Variants in GJB2 observed in about 807,000 individuals in gnomAD.
GJB2 encodes the protein gap junction beta-2 protein.
GJB2 carries 30 observed loss-of-function variants against 16.0 expected under a neutral mutation model. The observed-to-expected ratio is 1.88, with a 90% CI of 1.41 to 2.55. The LOEUF (loss-of-function observed/expected upper bound fraction) is 2.55, where lower values mean the gene tolerates loss of function less well. Ranked by LOEUF, GJB2 falls within the 30% of genes most tolerant of loss-of-function variation. The pLI is 0.00. For missense variants in GJB2, 284 were observed against 289.7 expected (o/e 0.98, Z 0.14); for synonymous variants, 123 against 119.1 (o/e 1.03, Z -0.21).
chr13:20,189,239 A>C lies in GJB2; in HGVS notation c.343T>G (p.Phe115Val), dbSNP rs1468293549. The change falls in exon 2 of 2, where the codon TTT becomes GTT. Residue 115 changes from phenylalanine to valine, a missense_variant. Phe to Val is a conservative substitution (Grantham distance 50). Coordinates refer to ENST00000382848, the MANE Select transcript of GJB2 (RefSeq NM_004004.6). Reference sequence around the variant, plus strand: ...GTTTTGATCTCCTCGATGTCCTTAAATTCACTCTTTATCTCCCCCTTGATG... The same window carrying C: ...GTTTTGATCTCCTCGATGTCCTTAACTTCACTCTTTATCTCCCCCTTGATG... ...KFIKGEIKSE[F>V]KDIEEIKTQK... The C allele has an allele frequency of 6.2e-7, 1 of 1,613,626 alleles. No individual in the cohort carries two copies. Among genetic ancestry groups the C allele is most frequent in the South Asian group, 1.1e-5 (1 of 91,080 alleles).
rs1200790847 is a variant in GJB2, at chr13:20,188,260, G to A, written c.*641C>T. The A allele has an allele frequency of 6.6e-6, 1 of 152,416 alleles. No homozygotes were observed. The highest frequency in any genetic ancestry group is 1.5e-5 in the Non-Finnish European group (1 of 68,224). The allele number at this position is 152,416 out of a possible 1,614,324, so 9.4% of individuals were successfully genotyped here. On this transcript the variant is annotated 3_prime_UTR_variant, in exon 2 of 2. Coordinates refer to ENST00000382848, the MANE Select transcript of GJB2 (RefSeq NM_004004.6). ...AGACCATATTTCAAATTAAATCATA[G>A]TAGCGAATGACATACCATTTACATA...
At chr13:20,192,323 A>G (rs1415297543) in intron 1 of GJB2, among the ~76,000 whole-genome samples, 1 of 152,176 alleles carries the variant, frequency 6.6e-6, no homozygotes, top group Non-Finnish European at 1.5e-5. Flanking sequence ...AAGCCGCTCC[A>G]AGAGGTAAAG....
intron 1 of GJB2, among the ~76,000 whole-genome samples, chr13:20,190,049 G>A (rs995488690): frequency 6.6e-6 from 1 of 152,238 alleles, no homozygotes; most frequent in African/African-American, 2.4e-5. Context: ...AGTTTTGGCT[G>A]TACCACTGGG....
rs1959051090 is a variant in GJB2 at position 20,188,351 on chromosome 13, T to C, written c.*550A>G. The stretch of plus-strand genomic sequence containing the variant: ...TATCCAGAACATCTTTACATCAAAA[T>C]AACCTATCATACTACAAAGTTTTCA... On this transcript the variant is annotated 3_prime_UTR_variant, in exon 2 of 2. Coordinates refer to ENST00000382848, the MANE Select transcript of GJB2 (RefSeq NM_004004.6). 1 of 153,818 alleles carries C rather than the reference T, an allele frequency of 6.5e-6. No homozygotes were observed. Among genetic ancestry groups the C allele is most frequent in the African/African-American group, 2.4e-5 (1 of 41,468 alleles). 9.5% of individuals were successfully genotyped at this position (153,818 alleles called of 1,614,324 possible). A position where few individuals can be genotyped will look rare whatever the true frequency, so the allele number is the denominator to read the frequency against.
chr13:20,189,872 A>G, intron 1 of GJB2: 1 of 479,084 alleles, frequency 2.1e-6, no homozygotes, highest in Admixed American at 3.3e-5. Flanking sequence ...ATCTTTAAAC[A>G]CATCATAAAA....
At chr13:20,189,684 G>T in intron 1 of GJB2, 81 bp from the exon 2 acceptor site, 1 of 1,091,548 alleles carries the variant, frequency 9.2e-7, no homozygotes, top group Non-Finnish European at 1.4e-6. Context: ...GGGTAAGCAA[G>T]CATGCTTAAA....
intron 1 of GJB2, among the ~76,000 whole-genome samples, chr13:20,191,162 C>T (rs984289884): frequency 6.6e-6 from 1 of 152,178 alleles, no homozygotes. Flanking sequence ...TGCTACAGCA[C>T]CCACAGCTCA....
chr13:20,192,241 C>A (rs1167041096), intron 1 of GJB2, among the ~76,000 whole-genome samples: 1 of 152,204 alleles, frequency 6.6e-6, no homozygotes, highest in Non-Finnish European at 1.5e-5. Context: ...CCGGGGTAGG[C>A]CGGGATCGGC....
intron 1 of GJB2, among the ~76,000 whole-genome samples, chr13:20,190,210 T>C (rs2137309708): frequency 6.6e-6 from 1 of 152,358 alleles, no homozygotes; most frequent in East Asian, 1.9e-4. Context: ...AGTGAAACTG[T>C]TGTTACCAGT....
chr13:20,189,754 C>A (rs2137309213), intron 1 of GJB2, 151 bp from the exon 2 acceptor site: 1 of 693,394 alleles, frequency 1.4e-6, no homozygotes, highest in Non-Finnish European at 2.7e-6. Flanking sequence ...GAAGACAGAA[C>A]CAACTTAGTT....
Position 20,189,055 on chromosome 13 carries a change from T to C in GJB2, c.527A>G (p.Asn176Ser), listed in dbSNP as rs1555341840. The change falls in exon 2 of 2, where the codon AAC becomes AGC. Residue 176 changes from asparagine to serine, a missense_variant. Asn to Ser is a conservative substitution (Grantham distance 46). Coordinates refer to ENST00000382848, the MANE Select transcript of GJB2 (RefSeq NM_004004.6). Reference protein sequence around the residue: ...LVKCNAWPCPNTVDCFVSRPT... With the variant: ...LVKCNAWPCPSTVDCFVSRPT... ...CCGGGACACAAAGCAGTCCACAGTGTTGGGACAAGGCCAGGCGTTGCACTT... is the reference window on the plus strand; with the variant it reads ...CCGGGACACAAAGCAGTCCACAGTGCTGGGACAAGGCCAGGCGTTGCACTT... The C allele has an allele frequency of 6.2e-7, 1 of 1,614,024 alleles. No homozygotes were observed. Among genetic ancestry groups the C allele is most frequent in the Non-Finnish European group, 8.5e-7 (1 of 1,180,014 alleles).
In GJB2 at chr13:20,189,462, T is replaced by G. The variant is rs561870637; in HGVS notation, c.120A>C (p.Ala40=). The change falls in exon 2 of 2, where the codon GCA becomes GCC. Residue 40 remains alanine (A), a synonymous_variant. Transcript: ENST00000382848. ...CCTGCTCATCTCCCCACACCTCCTT[T>G]GCAGCCACAACGAGGATCATAATGC... The part of the protein sequence containing the change: ...IFRIMILVVA[A]KEVWGDEQAD... 253 of 1,613,546 alleles carry G rather than the reference T, an allele frequency of 1.6e-4. No homozygotes were observed. Among genetic ancestry groups the G allele is most frequent in the Non-Finnish European group, 2.0e-4 (237 of 1,179,468 alleles).
rs370696868 is a variant in GJB2, at chr13:20,189,395, C to A, written c.187G>T (p.Val63Leu). Reference protein sequence around the residue: ...CNTLQPGCKNVCYDHYFPISH... With the variant: ...CNTLQPGCKNLCYDHYFPISH... ...ATGGGGAAGTAGTGATCGTAGCACA[C>A]GTTCTTGCAGCCTGGCTGCAGGGTG... Residue 63 changes from valine (V) to leucine (L), a missense_variant, in exon 2 of 2, where the codon GTG becomes TTG. Coordinates refer to ENST00000382848, the MANE Select transcript of GJB2 (RefSeq NM_004004.6). 2.7e-5 allele frequency: 44 copies of A among 1,613,378 alleles called. No homozygotes were observed. The highest frequency in any genetic ancestry group is 1.6e-4 in the East Asian group (7 of 44,836).
intron 1 of GJB2, among the ~76,000 whole-genome samples, chr13:20,190,519 C>T (rs905882959): frequency 3.9e-5 from 6 of 152,246 alleles, no homozygotes; most frequent in Non-Finnish European, 7.3e-5. Flanking sequence ...GAAAATTCAA[C>T]TCCCTCGGTT....
In GJB2 at chr13:20,188,765, G is replaced by C. The variant is rs1037871655; in HGVS notation, c.*136C>G. The C allele has an allele frequency of 4.4e-5, 32 of 722,878 alleles. No homozygotes were observed. The highest frequency in any genetic ancestry group is 1.6e-4 in the South Asian group (10 of 64,346). The allele number at this position is 722,878 out of a possible 1,614,324, so 44.8% of individuals were successfully genotyped here. On this transcript the variant is annotated 3_prime_UTR_variant, in exon 2 of 2. Coordinates refer to ENST00000382848, the MANE Select transcript of GJB2 (RefSeq NM_004004.6). ...TCTGGAGTTTCACCTGAGGCCTACA[G>C]GGGTTTCAAATGGTTGCATTTAAGG...
At chr13:20,190,801 C>T (rs9552099) in intron 1 of GJB2, among the ~76,000 whole-genome samples, 117,752 of 151,862 alleles carry the variant, frequency 0.78, 51,688 homozygotes, top group East Asian at 1. Context: ...GTAGTGAATC[C>T]TCCTTCTTCT....
At chr13:20,189,758 CTTAGTT>C (rs1959065754) in intron 1 of GJB2, 155 bp from the exon 2 acceptor site, 1 of 684,478 alleles carries the variant, frequency 1.5e-6, no homozygotes, top group African/African-American at 1.8e-5. Flanking sequence ...ACAGAACCAA[CTTAGTT>C]TGTCATAGGA....
chr13:20,189,728 C>A, intron 1 of GJB2, 125 bp from the exon 2 acceptor site: 1 of 768,884 alleles, frequency 1.3e-6, no homozygotes, highest in East Asian at 2.7e-5. Flanking sequence ...TCTTACACAA[C>A]CTCACCAAAA....
In GJB2 at chr13:20,189,137, C is replaced by A. The variant is rs111033225; in HGVS notation, c.445G>T (p.Ala149Ser). The change falls in exon 2 of 2, where the codon GCC becomes TCC. Residue 149 changes from alanine (A) to serine (S), a missense_variant. By Grantham distance (99) the Ala-to-Ser change is moderately conservative. Transcript: ENST00000382848. ...SIFFRVIFEA[A>S]FMYVFYVMYD... is the part of the protein sequence containing the mutation. ...ATGACATAGAAGACGTACATGAAGG[C>A]GGCTTCGAAGATGACCCGGAAGAAG... 13 of 1,613,980 alleles carry A rather than the reference C, an allele frequency of 8.1e-6. No homozygotes were observed. The African/African-American group carries it at 1.5e-4, about 18-fold the overall frequency.
Sources: gnomAD v4.1 joint callset for allele counts (sites outside exome capture counted in the v4.1 genomes callset) on GRCh38, gnomAD v4.1.1 for gene constraint, MANE v1.5 for transcripts, NCBI Gene and HGNC (gene_info 2026-07-23, HGNC 2026-07-21) for gene names.